The following PCDH15 variants were observed in gnomAD, a reference collection of about 807,000 sequenced individuals.
The protein encoded by PCDH15 is protocadherin-15.
A neutral mutation model predicts 178.5 loss-of-function variants in PCDH15; 129 were observed. The observed-to-expected ratio is 0.72, with a 90% confidence interval of 0.63 to 0.84. PCDH15 has a LOEUF of 0.84. Among genes scored for constraint, PCDH15 ranks in the 40% least tolerant of loss-of-function variants. The pLI, the probability that PCDH15 is intolerant of heterozygous loss-of-function variation, is 0.00. For missense variants in PCDH15, 2,230 were observed against 2,099.9 expected (o/e 1.06, Z -1.21); for synonymous variants, 800 against 732.0 (o/e 1.09, Z -1.50).
chr10:54,129,930 T>C (rs2042288526), intron 15 of PCDH15, among the ~76,000 whole-genome samples: 1 of 152,166 alleles, frequency 6.6e-6, no homozygotes, highest in African/African-American at 2.4e-5. Flanking sequence ...ATGGAAATTT[T>C]GTGTTTAAAA....
In PCDH15 at chr10:53,948,593, A is replaced by G. The variant is rs76711982; in HGVS notation, c.3123-7618T>C. On this transcript the variant is annotated intron_variant, in intron 23 of 37. Transcript: ENST00000644397. Reference sequence around the variant, plus strand: ...TAAGCACCGGAGGAGTTGGGAAATGAATGACTTATCCATTATAAATTGGTG... The same window carrying G: ...TAAGCACCGGAGGAGTTGGGAAATGGATGACTTATCCATTATAAATTGGTG... Among the ~76,000 whole-genome samples the G allele has an allele frequency of 7.8e-3, 1,186 of 152,290 alleles. 20 individuals are homozygous for G. The highest frequency in any genetic ancestry group is 0.027 in the African/African-American group (1,123 of 41,570).
intron 2 of PCDH15, among the ~76,000 whole-genome samples, chr10:55,547,253 T>G (rs768449786): frequency 1.3e-5 from 2 of 152,112 alleles, no homozygotes; most frequent in Non-Finnish European, 2.9e-5. Flanking sequence ...ATTACAGATA[T>G]CAATGATACA....
At chr10:55,397,420 T>G (rs1837956222) in intron 2 of PCDH15, among the ~76,000 whole-genome samples, 2 of 152,190 alleles carry the variant, frequency 1.3e-5, no homozygotes, top group Non-Finnish European at 2.9e-5. Context: ...TGTAAAACAT[T>G]TAGGTGTAAG....
At chr10:54,790,732 T>G (rs952393906) in intron 1 of PCDH15, among the ~76,000 whole-genome samples, 2 of 151,822 alleles carry the variant, frequency 1.3e-5, no homozygotes, top group Non-Finnish European at 2.9e-5. Flanking sequence ...GCCTACATAC[T>G]CATCTAATAA....
chr10:54,369,371 CTTGT>C lies in PCDH15; in HGVS notation c.319-100_319-97del, dbSNP rs947222588. On this transcript the variant is annotated intron_variant, in intron 4 of 37. Transcript: ENST00000644397. The stretch of plus-strand genomic sequence containing the variant: ...CGTTCATTCAGTACATTTTTCTATT[CTTGT>C]TTATTTTTAAATTATAATAATCTCA... The C allele has an allele frequency of 3.4e-5, 38 of 1,103,938 alleles. No homozygotes were observed. In the Admixed American group the frequency reaches 3.9e-4, roughly 11 times the overall value. 68.4% of individuals were successfully genotyped at this position (1,103,938 alleles called of 1,614,324 possible).
intron 20 of PCDH15, among the ~76,000 whole-genome samples, chr10:54,006,793 C>T (rs1187422646): frequency 1.3e-5 from 2 of 152,160 alleles, no homozygotes; most frequent in African/African-American, 4.8e-5. Context: ...TTCCAAGACT[C>T]ACTGTGTTTA....
chr10:54,687,431 C>A (rs1449973688), intron 1 of PCDH15, among the ~76,000 whole-genome samples: 1 of 152,058 alleles, frequency 6.6e-6, no homozygotes, highest in Non-Finnish European at 1.5e-5. Flanking sequence ...TCAACAAGTA[C>A]ATGAATAAAA....
At chr10:55,230,930 AT>A (rs1373481929) in intron 1 of PCDH15, among the ~76,000 whole-genome samples, 1 of 152,034 alleles carries the variant, frequency 6.6e-6, no homozygotes, top group Non-Finnish European at 1.5e-5. Context: ...CCAACCAGAT[AT>A]TTTAGAGGTG....
intron 2 of PCDH15, among the ~76,000 whole-genome samples, chr10:54,567,229 A>C (rs1220788991): frequency 6.6e-6 from 1 of 152,142 alleles, no homozygotes; most frequent in Non-Finnish European, 1.5e-5. Context: ...TATTTTGCAT[A>C]GCAGTCCTTA....
At chr10:55,293,851 T>C (rs1299094963) in intron 1 of PCDH15, among the ~76,000 whole-genome samples, 3 of 152,180 alleles carry the variant, frequency 2.0e-5, no homozygotes, top group African/African-American at 7.2e-5. Flanking sequence ...TCCAGTCTTC[T>C]TCTGAGCCCT....
chr10:54,803,229 C>A (rs1260278212), upstream of PCDH15, among the ~76,000 whole-genome samples: 2 of 152,106 alleles, frequency 1.3e-5, no homozygotes, highest in Non-Finnish European at 2.9e-5. Context: ...TAAAATATAT[C>A]GTGAACATTC....
At chr10:54,461,012 A>G (rs1554982801) in intron 3 of PCDH15, among the ~76,000 whole-genome samples, 1 of 152,044 alleles carries the variant, frequency 6.6e-6, no homozygotes, top group Non-Finnish European at 1.5e-5. Flanking sequence ...TTTTTTATAA[A>G]TTATTGATCA....
chr10:54,147,134 A>G (rs1408773663), intron 14 of PCDH15, among the ~76,000 whole-genome samples: 1 of 151,090 alleles, frequency 6.6e-6, no homozygotes, highest in Admixed American at 6.6e-5. Flanking sequence ...CATCAATTCA[A>G]TTTGAAGGAT....
intron 2 of PCDH15, among the ~76,000 whole-genome samples, chr10:55,476,218 A>C (rs557531498): frequency 6.6e-6 from 1 of 152,042 alleles, no homozygotes; most frequent in South Asian, 2.1e-4. Context: ...AGGACTTCAG[A>C]GGGCCCCGGG....
At chr10:54,578,472 G>A (rs2090727884) in intron 2 of PCDH15, among the ~76,000 whole-genome samples, 1 of 152,108 alleles carries the variant, frequency 6.6e-6, no homozygotes, top group South Asian at 2.1e-4. Flanking sequence ...ATTTTTGTAA[G>A]AACTCATCTC....
At chr10:55,408,604 A>G (rs1304318800) in intron 2 of PCDH15, among the ~76,000 whole-genome samples, 1 of 152,214 alleles carries the variant, frequency 6.6e-6, no homozygotes. Flanking sequence ...TCAAAATCAC[A>G]TTAAAATATT....
At chr10:55,425,981 C>T (rs954556459) in intron 2 of PCDH15, among the ~76,000 whole-genome samples, 2 of 152,038 alleles carry the variant, frequency 1.3e-5, no homozygotes, top group African/African-American at 4.8e-5. Flanking sequence ...ATAGTCATAG[C>T]AAAATACTTA....
At chr10:55,378,169 G>C (rs977863407) in intron 2 of PCDH15, among the ~76,000 whole-genome samples, 7 of 152,064 alleles carry the variant, frequency 4.6e-5, no homozygotes, top group Admixed American at 2.6e-4. Flanking sequence ...TAACAAACCT[G>C]CAGATTCTGC....
At chr10:54,436,120 AAAG>A (rs2075395630) in intron 3 of PCDH15, among the ~76,000 whole-genome samples, 1 of 147,668 alleles carries the variant, frequency 6.8e-6, no homozygotes, top group Non-Finnish European at 1.5e-5. Context: ...GGAAAGAAGG[AAAG>A]AAAGAAAGAA....
Sources: gnomAD v4.1 joint callset for allele counts (sites outside exome capture counted in the v4.1 genomes callset) on GRCh38, gnomAD v4.1.1 for gene constraint, MANE v1.5 for transcripts, NCBI Gene and HGNC (gene_info 2026-07-23, HGNC 2026-07-21) for gene names.